The following MB21D2 variants were observed in gnomAD, a reference collection of about 807,000 sequenced individuals.
MB21D2 encodes nucleotidyltransferase MB21D2.
MB21D2 carries 9 observed loss-of-function variants against 33.3 expected under a neutral mutation model. The ratio of observed to expected loss-of-function variants is 0.27; its 90% CI spans 0.16 to 0.47. The LOEUF (loss-of-function observed/expected upper bound fraction) is 0.47. MB21D2 is among the 20% of genes least tolerant of loss of function. MB21D2 has a pLI of 0.99. For synonymous variants in MB21D2, 241 were observed against 236.3 expected (o/e 1.02, Z -0.18); for missense variants, 540 against 624.6 (o/e 0.86, Z 1.44).
intron 1 of MB21D2, among the ~76,000 whole-genome samples, chr3:192,894,028 CTG>C (rs1713912561): frequency 6.6e-6 from 1 of 152,108 alleles, no homozygotes; most frequent in African/African-American, 2.4e-5. Flanking sequence ...GAGACAGACT[CTG>C]TCTCTAAAAA....
intron 1 of MB21D2, among the ~76,000 whole-genome samples, chr3:192,809,805 C>T (rs917220681): frequency 1.3e-5 from 2 of 152,128 alleles, no homozygotes; most frequent in African/African-American, 2.4e-5. Context: ...TGGGTGCACA[C>T]GTGTGCGTGT....
chr3:192,859,554 TTC>T (rs1712993167), intron 1 of MB21D2, among the ~76,000 whole-genome samples: 2 of 152,188 alleles, frequency 1.3e-5, no homozygotes, highest in Admixed American at 1.3e-4. Context: ...TGCACACTTT[TTC>T]TCTCTCCCCT....
chr3:192,903,662 C>T (rs1448239023), intron 1 of MB21D2, among the ~76,000 whole-genome samples: 1 of 152,166 alleles, frequency 6.6e-6, no homozygotes, highest in Admixed American at 6.5e-5. Flanking sequence ...TCCCAACAAC[C>T]GGTATCTCAT....
At chr3:192,831,228 T>C (rs1405222571) in intron 1 of MB21D2, among the ~76,000 whole-genome samples, 1 of 152,166 alleles carries the variant, frequency 6.6e-6, no homozygotes, top group African/African-American at 2.4e-5. Context: ...GACGCCCACA[T>C]GGGGATGAGC....
chr3:192,897,426 C>T (rs1195833294), intron 1 of MB21D2, among the ~76,000 whole-genome samples: 2 of 152,100 alleles, frequency 1.3e-5, no homozygotes, highest in Non-Finnish European at 2.9e-5. Context: ...TCCCATTTTA[C>T]CAGTAACTTG....
chr3:192,821,283 TAGTC>T (rs1198154487), intron 1 of MB21D2, among the ~76,000 whole-genome samples: 1 of 152,186 alleles, frequency 6.6e-6, no homozygotes, highest in Non-Finnish European at 1.5e-5. Flanking sequence ...CAAAGTTACA[TAGTC>T]AGTGGATCTG....
chr3:192,862,380 A>G (rs1469904925), intron 1 of MB21D2, among the ~76,000 whole-genome samples: 2 of 152,242 alleles, frequency 1.3e-5, no homozygotes, highest in East Asian at 1.9e-4. Context: ...TTCGAATTGT[A>G]GAATAATAGA....
chr3:192,845,912 C>G (rs1476450227), intron 1 of MB21D2, among the ~76,000 whole-genome samples: 1 of 149,878 alleles, frequency 6.7e-6, no homozygotes. Flanking sequence ...GACCCTGTCT[C>G]TACAAAAAAT....
intron 1 of MB21D2, among the ~76,000 whole-genome samples, chr3:192,903,121 T>C (rs1014871167): frequency 6.6e-6 from 1 of 152,238 alleles, no homozygotes; most frequent in African/African-American, 2.4e-5. Flanking sequence ...AAATTTTCCC[T>C]ACCTTGAAGC....
At chr3:192,907,761 T>C (rs1485287649) in intron 1 of MB21D2, among the ~76,000 whole-genome samples, 3 of 152,154 alleles carry the variant, frequency 2.0e-5, no homozygotes, top group Non-Finnish European at 4.4e-5. Context: ...ACGACTTGCG[T>C]TCCAGATTAA....
At position 192,798,931 on chromosome 3, in the gene MB21D2, G is replaced by C. The variant is rs988241015; in HGVS notation, c.931C>G (p.Gln311Glu). 5.0e-6 allele frequency: 8 copies of C among 1,613,862 alleles called. No individual in the cohort carries two copies. Among genetic ancestry groups the C allele is most frequent in the East Asian group, 2.2e-5 (1 of 44,860 alleles). ...TTAATGATGATGGCTTTGCAGGCCT[G>C]ATAGGCCTGCATGAGGCTGCTGGAG... ...CISSSLMQAY[Q>E]ACKAIIIKLL... The change falls in exon 2 of 2, where the codon CAG (glutamine) becomes GAG (glutamate). Residue 311 changes from glutamine to glutamate, a missense_variant. Physicochemically the swap from Gln to Glu is conservative, Grantham distance 29. Transcript: ENST00000392452. This position sits in a 1 kb window ranked among gnomAD's most constrained non-coding sequence, Gnocchi z 4.8.
chr3:192,826,895 C>CTT (rs928013428), intron 1 of MB21D2, among the ~76,000 whole-genome samples: 3 of 144,066 alleles, frequency 2.1e-5, no homozygotes, highest in Admixed American at 7.0e-5. Flanking sequence ...CCCTTTCCTT[C>CTT]TTTTTTTTTT....
intron 1 of MB21D2, among the ~76,000 whole-genome samples, chr3:192,865,682 C>A (rs1713152527): frequency 6.6e-6 from 1 of 152,046 alleles, no homozygotes. Context: ...GTCTACCAGG[C>A]CCCCTCCCAA....
intron 1 of MB21D2, among the ~76,000 whole-genome samples, chr3:192,800,513 C>T (rs1180763079): frequency 6.6e-6 from 1 of 152,166 alleles, no homozygotes; most frequent in African/African-American, 2.4e-5. Flanking sequence ...TTACCACTGA[C>T]ATGCATTAGC....
chr3:192,847,305 A>C (rs1373918186), intron 1 of MB21D2, among the ~76,000 whole-genome samples: 1 of 152,134 alleles, frequency 6.6e-6, no homozygotes, highest in Admixed American at 6.5e-5. Context: ...AATCTGTCAC[A>C]CCCAATCATT....
intron 1 of MB21D2, among the ~76,000 whole-genome samples, chr3:192,827,055 C>T (rs1030615970): frequency 2.2e-4 from 33 of 152,144 alleles, no homozygotes; most frequent in Middle Eastern, 3.4e-3. Flanking sequence ...CCACCACGTC[C>T]GGCTAATTTT....
intron 1 of MB21D2, among the ~76,000 whole-genome samples, chr3:192,858,674 C>T (rs1260788093): frequency 2.0e-5 from 3 of 152,138 alleles, no homozygotes; most frequent in Non-Finnish European, 4.4e-5. Context: ...TATGAATCAA[C>T]CAGCCCTGAA....
At chr3:192,890,872 T>C (rs1307166536) in intron 1 of MB21D2, among the ~76,000 whole-genome samples, 6 of 151,972 alleles carry the variant, frequency 3.9e-5, no homozygotes, top group Non-Finnish European at 8.8e-5. Flanking sequence ...CGCAGAGACA[T>C]GGGGAGAGGA....
At chr3:192,880,296 G>A (rs565397996) in intron 1 of MB21D2, among the ~76,000 whole-genome samples, 3 of 151,856 alleles carry the variant, frequency 2.0e-5, no homozygotes, top group Non-Finnish European at 2.9e-5. Flanking sequence ...GCAGTGAGCC[G>A]AGATTGCACC....
Sources: allele counts gnomAD v4.1 joint callset (sites outside exome capture counted in the v4.1 genomes callset), GRCh38; gene constraint gnomAD v4.1.1; non-coding constraint Gnocchi (gnomAD v3.1); transcripts MANE v1.5; gene names NCBI Gene and HGNC (gene_info 2026-07-23, HGNC 2026-07-21).